Variants in ADAMTS17 observed in about 807,000 individuals in gnomAD.
The protein encoded by ADAMTS17 is ADAM metallopeptidase with thrombospondin type 1 motif 17, also known as A disintegrin and metalloproteinase with thrombospondin motifs 17.
A neutral mutation model predicts 141.5 loss-of-function variants in ADAMTS17; 113 were observed. The ratio of observed to expected loss-of-function variants is 0.80; its 90% CI spans 0.69 to 0.93. ADAMTS17 has a LOEUF of 0.93. Among genes scored for constraint, ADAMTS17 ranks in the 40% least tolerant of loss-of-function variants. The pLI, the probability that ADAMTS17 is intolerant of heterozygous loss-of-function variation, is 0.00. For synonymous variants in ADAMTS17, 768 were observed against 630.6 expected, an observed-to-expected ratio of 1.22 and a Z score of -3.27; for missense variants, 1,659 against 1,517.9, an observed-to-expected ratio of 1.09 and a Z score of -1.54.
At chr15:100,056,932 G>C (rs1596314014) in intron 15 of ADAMTS17, among the ~76,000 whole-genome samples, 1 of 152,188 alleles carries the variant, frequency 6.6e-6, no homozygotes, top group East Asian at 1.9e-4. Context: ...CGGGGCCTGG[G>C]AATGTTGTGG....
chr15:100,103,574 C>CTTTTT (rs11411616), intron 14 of ADAMTS17, among the ~76,000 whole-genome samples: 123 of 150,206 alleles, frequency 8.2e-4, no homozygotes, highest in Non-Finnish European at 1.1e-3. Flanking sequence ...TCCAGCCACT[C>CTTTTT]TTTTTTTTTC....
At chr15:100,064,170 A>T (rs574776176) in intron 15 of ADAMTS17, among the ~76,000 whole-genome samples, 1 of 152,208 alleles carries the variant, frequency 6.6e-6, no homozygotes, top group Admixed American at 6.5e-5. Flanking sequence ...TCGCGAGAAC[A>T]TGAAGGCAGA....
At chr15:100,145,737 G>A (rs72755221) in intron 10 of ADAMTS17, among the ~76,000 whole-genome samples, 6,339 of 152,282 alleles carry the variant, frequency 0.042, 276 homozygotes, top group African/African-American at 0.11. Context: ...TGTTTCTAAT[G>A]TGCTTAATCA....
intron 7 of ADAMTS17, among the ~76,000 whole-genome samples, chr15:100,251,405 A>G (rs1285831244): frequency 2.0e-5 from 3 of 152,234 alleles, no homozygotes; most frequent in African/African-American, 7.2e-5. Flanking sequence ...CAATGTGACT[A>G]TAGGTAGAGA....
intron 4 of ADAMTS17, among the ~76,000 whole-genome samples, chr15:100,278,074 A>G (rs2044158271): frequency 6.6e-6 from 1 of 152,158 alleles, no homozygotes. Flanking sequence ...TTCCACTTAT[A>G]TGAGGTATCT....
At chr15:100,147,049 T>G (rs1596555758) in intron 10 of ADAMTS17, among the ~76,000 whole-genome samples, 1 of 152,248 alleles carries the variant, frequency 6.6e-6, no homozygotes, top group East Asian at 1.9e-4. Context: ...CTTGTGATAT[T>G]CTATTACCTT....
chr15:100,137,248 C>G (rs2038381424), intron 10 of ADAMTS17, among the ~76,000 whole-genome samples: 1 of 152,122 alleles, frequency 6.6e-6, no homozygotes, highest in African/African-American at 2.4e-5. Context: ...GAAACCCAGA[C>G]AAGGCAGAAA....
intron 15 of ADAMTS17, among the ~76,000 whole-genome samples, chr15:100,065,048 T>C (rs1005678789): frequency 6.6e-5 from 10 of 152,078 alleles, no homozygotes; most frequent in African/African-American, 2.4e-4. Flanking sequence ...TTTTGAGGGG[T>C]TTATTTATTC....
intron 15 of ADAMTS17, among the ~76,000 whole-genome samples, chr15:100,076,502 G>C (rs1362273456): frequency 6.6e-6 from 1 of 151,992 alleles, no homozygotes; most frequent in Non-Finnish European, 1.5e-5. Context: ...CCTATTGCTG[G>C]ATACTTGTAT....
chr15:100,113,110 TCC>T (rs1431015942), intron 13 of ADAMTS17, among the ~76,000 whole-genome samples: 2 of 152,046 alleles, frequency 1.3e-5, no homozygotes, highest in Non-Finnish European at 2.9e-5. Context: ...CCCTCATCAG[TCC>T]CCGGCGGACA....
Position 100,085,214 on chromosome 15 carries a change from C to T in ADAMTS17, c.2137+11142G>A, listed in dbSNP as rs116923961. Among the ~76,000 whole-genome samples, 62 of 151,916 alleles carry T rather than the reference C, an allele frequency of 4.1e-4. No individual in the cohort carries two copies. In the East Asian group the frequency reaches 9.1e-3, roughly 22 times the overall value. Reference sequence around the variant, plus strand: ...GACAAATGCACAAGGCCTCAGTAGCCGACGTGATCAACTGGAAGAAAGGGT... The same window carrying T: ...GACAAATGCACAAGGCCTCAGTAGCTGACGTGATCAACTGGAAGAAAGGGT... On this transcript the variant is annotated intron_variant, in intron 15 of 21. Transcript: ENST00000268070.
chr15:100,075,027 AGTT>A (rs1366164774), intron 15 of ADAMTS17, among the ~76,000 whole-genome samples: 1 of 151,120 alleles, frequency 6.6e-6, no homozygotes, highest in Non-Finnish European at 1.5e-5. Context: ...AATAAATTCT[AGTT>A]GTTATTTTTG....
chr15:99,995,935 T>A (rs2060792728), intron 19 of ADAMTS17, among the ~76,000 whole-genome samples: 1 of 152,192 alleles, frequency 6.6e-6, no homozygotes, highest in South Asian at 2.1e-4. Flanking sequence ...TTTCTTTAAA[T>A]CTTGCTCCCA....
chr15:100,066,138 G>T (rs374049207), intron 15 of ADAMTS17, among the ~76,000 whole-genome samples: 65 of 152,294 alleles, frequency 4.3e-4, no homozygotes, highest in African/African-American at 1.6e-3. Flanking sequence ...ATGGGCATTT[G>T]GGTTGGTTCC....
chr15:100,197,047 G>C (rs2041145378), intron 8 of ADAMTS17, among the ~76,000 whole-genome samples: 3 of 152,328 alleles, frequency 2.0e-5, no homozygotes, highest in East Asian at 1.9e-4. Context: ...TAGCTAAAGG[G>C]TACTAAAGTG....
At chr15:100,158,934 C>G (rs985134942) in intron 8 of ADAMTS17, among the ~76,000 whole-genome samples, 1 of 152,142 alleles carries the variant, frequency 6.6e-6, no homozygotes, top group African/African-American at 2.4e-5. Context: ...CACCTTACAC[C>G]TCTCATGATG....
In ADAMTS17 at chr15:100,040,255, A is replaced by G. The variant is rs192619511; in HGVS notation, c.2591+8602T>C. ...TTTCTGAAACCCTCAGCAATTCCAC[A>G]AGCTAGGAACCCTTCCACTGTTGCC... On this transcript the variant is annotated intron_variant, in intron 18 of 21. Transcript: ENST00000268070. Among the ~76,000 whole-genome samples the G allele has an allele frequency of 2.0e-5, 3 of 152,272 alleles. No individual in the cohort carries two copies. The East Asian group carries it at 5.8e-4, about 29-fold the overall frequency.
chr15:99,995,098 T>A (rs756175469), intron 19 of ADAMTS17, among the ~76,000 whole-genome samples: 3 of 152,146 alleles, frequency 2.0e-5, no homozygotes, highest in African/African-American at 7.2e-5. Flanking sequence ...AGGAGGCTGA[T>A]TGCAGTGGAC....
chr15:100,077,646 T>C (rs1002780105), intron 15 of ADAMTS17, among the ~76,000 whole-genome samples: 1 of 152,070 alleles, frequency 6.6e-6, no homozygotes, highest in Non-Finnish European at 1.5e-5. Context: ...TCTACAAAAC[T>C]CCACAGCTAA....
Sources: allele counts gnomAD v4.1 joint callset (sites outside exome capture counted in the v4.1 genomes callset), GRCh38; gene constraint gnomAD v4.1.1; transcripts MANE v1.5; gene names NCBI Gene and HGNC (gene_info 2026-07-23, HGNC 2026-07-21).